POLR2K: variants seen among roughly 807,000 people sequenced by gnomAD.
POLR2K encodes the protein DNA-directed RNA polymerases I, II, and III subunit RPABC4.
A neutral mutation model predicts 10.1 loss-of-function variants in POLR2K; 9 were observed. The observed-to-expected ratio is 0.89, with a 90% confidence interval of 0.54 to 1.56. The LOEUF is 1.56. Ranked by LOEUF, POLR2K falls within the 40% of genes most tolerant of loss-of-function variation. POLR2K has a pLI of 0.00. For synonymous variants in POLR2K, 19 were observed against 20.3 expected (o/e 0.94, Z 0.17); for missense variants, 53 against 71.9 (o/e 0.74, Z 0.95).
chr8:100,153,657 A>G lies in POLR2K; in HGVS notation c.*341A>G, dbSNP rs2453642. The G allele has an allele frequency of 9.6e-5, 18 of 187,238 alleles. No homozygotes were observed. In the East Asian group the frequency reaches 2.3e-3, roughly 24 times the overall value. 11.6% of individuals were successfully genotyped at this position (187,238 alleles called of 1,614,324 possible). On this transcript the variant is annotated 3_prime_UTR_variant, in exon 4 of 4. Coordinates refer to ENST00000353107, the MANE Select transcript of POLR2K (RefSeq NM_005034.4). ...CAAAATATCTTCTTGTACAGTACTC[A>G]CCTATTTTAGAATGTGGTTGACTAC...
chr8:100,151,881 G>A lies in POLR2K; in HGVS notation c.119G>A (p.Gly40Glu). 1 of 1,543,882 alleles carries A rather than the reference G, an allele frequency of 6.5e-7. No homozygotes were observed. Among genetic ancestry groups the A allele is most frequent in the Non-Finnish European group, 8.9e-7 (1 of 1,117,882 alleles). Residue 40 changes from glycine to glutamate, a missense_variant, in exon 3 of 4, where the codon GGA becomes GAA. Gly to Glu is a moderately conservative substitution (Grantham distance 98). Coordinates refer to ENST00000353107, the MANE Select transcript of POLR2K (RefSeq NM_005034.4). ...GATCCAATCAGATGCAGAGAATGTGGATACAGAATAATGTACAAGAAAAGG... is the reference window on the plus strand; with the variant it reads ...GATCCAATCAGATGCAGAGAATGTGAATACAGAATAATGTACAAGAAAAGG... ...SRDPIRCREC[G>E]YRIMYKKRTK... is the part of the protein sequence containing the mutation.
At chr8:100,151,501 A>G (rs1814918093) in intron 2 of POLR2K, 85 bp downstream of exon 2, 1 of 906,704 alleles carries the variant, frequency 1.1e-6, no homozygotes. Context: ...TAAATGAGTT[A>G]CTGGTCTTCA....
At chr8:100,152,311 C>A in intron 3 of POLR2K, 1 of 231,862 alleles carries the variant, frequency 4.3e-6, no homozygotes. Flanking sequence ...ACTGAATAGA[C>A]AATTGTAACA....
At chr8:100,153,191 G>T in intron 3 of POLR2K, 103 bp from the exon 4 acceptor site, 1 of 792,568 alleles carries the variant, frequency 1.3e-6, no homozygotes, top group Non-Finnish European at 2.1e-6. Flanking sequence ...TGCATTTTAA[G>T]TTAAATAACA....
intron 3 of POLR2K, among the ~76,000 whole-genome samples, chr8:100,152,724 C>T (rs893642539): frequency 2.6e-5 from 4 of 152,076 alleles, no homozygotes; most frequent in African/African-American, 9.7e-5. Flanking sequence ...TGTAAATCGA[C>T]GGATTATCCG....
intron 2 of POLR2K, 153 bp downstream of exon 2, chr8:100,151,569 C>T (rs1411714265): frequency 2.7e-5 from 17 of 627,848 alleles, no homozygotes; most frequent in Non-Finnish European, 4.5e-5. Flanking sequence ...GTCAGTAGAC[C>T]TGGGTTCGTC....
chr8:100,152,085 A>C, intron 3 of POLR2K, 169 bp downstream of exon 3: 1 of 607,394 alleles, frequency 1.6e-6, no homozygotes, highest in South Asian at 1.9e-5. Flanking sequence ...AAATAATCTA[A>C]ATAATGCTAG....
At chr8:100,151,196 T>C in intron 1 of POLR2K, 151 bp from the exon 2 acceptor site, 1 of 652,444 alleles carries the variant, frequency 1.5e-6, no homozygotes, top group Non-Finnish European at 2.8e-6. Flanking sequence ...CTTGTGTGTA[T>C]GCGTTTCGTC....
intron 3 of POLR2K, among the ~76,000 whole-genome samples, chr8:100,152,507 C>A (rs1460759952): frequency 6.6e-6 from 1 of 152,164 alleles, no homozygotes; most frequent in South Asian, 2.1e-4. Flanking sequence ...AGGAGAAATA[C>A]AAATATTGTG....
At chr8:100,151,474 T>C (rs1814917817) in intron 2 of POLR2K, 58 bp downstream of exon 2, 1 of 1,101,524 alleles carries the variant, frequency 9.1e-7, no homozygotes, top group South Asian at 1.3e-5. Context: ...TTGAAATTGT[T>C]ACATTTATTC....
At chr8:100,152,754 T>C (rs1045811525) in intron 3 of POLR2K, among the ~76,000 whole-genome samples, 1 of 149,622 alleles carries the variant, frequency 6.7e-6, no homozygotes, top group Non-Finnish European at 1.5e-5. Context: ...TACTTTAGTG[T>C]TTTTTTTTGT....
Position 100,151,878 on chromosome 8 carries a change from G to A in POLR2K, c.116G>A (p.Cys39Tyr). ...KSRDPIRCRE[C>Y]GYRIMYKKRT... Reference sequence around the variant, plus strand: ...AGGGATCCAATCAGATGCAGAGAATGTGGATACAGAATAATGTACAAGAAA... The same window carrying A: ...AGGGATCCAATCAGATGCAGAGAATATGGATACAGAATAATGTACAAGAAA... Residue 39 changes from cysteine to tyrosine, a missense_variant, in exon 3 of 4, where the codon TGT (cysteine) becomes TAT (tyrosine). Physicochemically the swap from Cys to Tyr is radical, Grantham distance 194. Coordinates refer to ENST00000353107, the MANE Select transcript of POLR2K (RefSeq NM_005034.4). The A allele has an allele frequency of 6.4e-7, 1 of 1,553,184 alleles. No homozygotes were observed. Among genetic ancestry groups the A allele is most frequent in the Non-Finnish European group, 8.9e-7 (1 of 1,126,650 alleles).
rs1177697646 is a variant in POLR2K at position 100,151,417 on chromosome 8, G to A, written c.61+1G>A. ...CAACCAATGATATATATCTGTGGAGGTAAGAGTAGCACTTACCTAAAGTAA... is the reference window on the plus strand; with the variant it reads ...CAACCAATGATATATATCTGTGGAGATAAGAGTAGCACTTACCTAAAGTAA... On this transcript the variant is annotated splice_donor_variant, in intron 2 of 3. Coordinates refer to ENST00000353107, the MANE Select transcript of POLR2K (RefSeq NM_005034.4). LOFTEE classifies it high-confidence loss of function. 1 of 1,568,086 alleles carries A rather than the reference G, an allele frequency of 6.4e-7. No individual in the cohort carries two copies. The highest frequency in any genetic ancestry group is 8.8e-7 in the Non-Finnish European group (1 of 1,138,078).
chr8:100,152,647 CATA>C (rs1444211373), intron 3 of POLR2K, among the ~76,000 whole-genome samples: 3 of 152,174 alleles, frequency 2.0e-5, no homozygotes, highest in Non-Finnish European at 4.4e-5. Flanking sequence ...GCCTGGGCAA[CATA>C]GTGTGACCCC....
rs571341509 is a variant in POLR2K at position 100,151,344 on chromosome 8, C to T, written c.-9-3C>T. ...TATTCAGTATTTGAGTCTGTGATTT[C>T]AGGGGCTAACAATGGACACCCAGAA... On this transcript the variant is annotated splice_polypyrimidine_tract_variant and splice_region_variant and intron_variant, in intron 1 of 3. Coordinates refer to ENST00000353107, the MANE Select transcript of POLR2K (RefSeq NM_005034.4). 2 of 1,598,592 alleles carry T rather than the reference C, an allele frequency of 1.3e-6. No homozygotes were observed. The highest frequency in any genetic ancestry group is 1.7e-6 in the Non-Finnish European group (2 of 1,165,968).
chr8:100,150,755 AAAC>A (rs1481781781), intron 1 of POLR2K, 46 bp downstream of exon 1: 1 of 152,844 alleles, frequency 6.5e-6, no homozygotes, highest in Admixed American at 6.5e-5. Flanking sequence ...ATTTGGGCCA[AAAC>A]TGGAAAGACA....
intron 3 of POLR2K, 111 bp from the exon 4 acceptor site, chr8:100,153,183 C>G (rs1814942887): frequency 1.4e-6 from 1 of 728,390 alleles, no homozygotes. Flanking sequence ...TTCTTTTTTG[C>G]ATTTTAAGTT....
At chr8:100,152,033 A>G in intron 3 of POLR2K, 117 bp downstream of exon 3, 1 of 673,134 alleles carries the variant, frequency 1.5e-6, no homozygotes, top group Non-Finnish European at 2.7e-6. Flanking sequence ...TACTTAAAAA[A>G]CAAACATGAT....
Position 100,153,350 on chromosome 8 carries a change from A to G in POLR2K, c.*34A>G. ...AATTCAGAGGAATGTCTTCACTTAT[A>G]CTTGGATTTGCTCTCTTCCCATTTC... On this transcript the variant is annotated 3_prime_UTR_variant, in exon 4 of 4. Transcript: ENST00000353107. 1.3e-6 allele frequency: 2 copies of G among 1,588,004 alleles called. No individual in the cohort carries two copies. Among genetic ancestry groups the G allele is most frequent in the Non-Finnish European group, 1.7e-6 (2 of 1,157,406 alleles).
Sources: gnomAD v4.1 joint callset for allele counts (sites outside exome capture counted in the v4.1 genomes callset) on GRCh38, gnomAD v4.1.1 for gene constraint, MANE v1.5 for transcripts, NCBI Gene and HGNC (gene_info 2026-07-23, HGNC 2026-07-21) for gene names.